The following NDUFA5 variants were observed in gnomAD, a reference collection of about 807,000 sequenced individuals.
NDUFA5 encodes the protein NADH dehydrogenase [ubiquinone] 1 alpha subcomplex subunit 5.
In NDUFA5, 11 loss-of-function variants were observed where a neutral mutation model predicts 19.8. The observed-to-expected ratio is 0.56, with a 90% CI of 0.35 to 0.92. The LOEUF is 0.92. NDUFA5 is among the 40% of genes least tolerant of loss of function. The pLI is 0.01. For missense variants in NDUFA5, 109 were observed against 134.2 expected, an observed-to-expected ratio of 0.81 and a Z score of 0.93; for synonymous variants, 47 against 46.8, an observed-to-expected ratio of 1.00 and a Z score of -0.01.
chr7:123,537,839 AT>A lies in NDUFA5; in HGVS notation c.*4279del, dbSNP rs1341711554. 5 of 151,902 alleles carry A rather than the reference AT, an allele frequency of 3.3e-5. No homozygotes were observed. Among genetic ancestry groups the A allele is most frequent in the East Asian group, 1.9e-4 (1 of 5,194 alleles). 9.4% of individuals were successfully genotyped at this position (151,902 alleles called of 1,614,324 possible). ...GCCAATATTTTGTAAAAAAAAAAAA[AT>A]AGTTATCTTTAGAAAACCTAATAGA... On this transcript the variant is annotated 3_prime_UTR_variant, in exon 5 of 5. Transcript: ENST00000355749.
chr7:123,590,756 T>C, the NDUFA5 span, among the ~76,000 whole-genome samples: 1 of 152,154 alleles, frequency 6.6e-6, no homozygotes, highest in Admixed American at 6.5e-5. Context: ...TTGTTCTATT[T>C]GCTTAGGATT....
intron 3 of NDUFA5, among the ~76,000 whole-genome samples, chr7:123,546,077 T>C (rs758725103): frequency 2.0e-5 from 3 of 152,148 alleles, no homozygotes; most frequent in Non-Finnish European, 4.4e-5. Flanking sequence ...CATAATATAT[T>C]TTTTAAAAAA....
At chr7:123,582,874 A>G in the NDUFA5 span, among the ~76,000 whole-genome samples, 2 of 152,052 alleles carry the variant, frequency 1.3e-5, no homozygotes, top group Non-Finnish European at 2.9e-5. Flanking sequence ...TGAATGCAGT[A>G]TTATTCAAAG....
chr7:123,543,763 G>A (rs1483231498), intron 4 of NDUFA5, among the ~76,000 whole-genome samples: 1 of 152,014 alleles, frequency 6.6e-6, no homozygotes, highest in Non-Finnish European at 1.5e-5. Flanking sequence ...AGGTGGTACA[G>A]AAAAGAGAAA....
the NDUFA5 span, among the ~76,000 whole-genome samples, chr7:123,576,127 AATTTT>A: frequency 5.7e-4 from 86 of 150,812 alleles, no homozygotes; most frequent in South Asian, 2.1e-3. Context: ...TCTTTATTTC[AATTTT>A]ATTTTATTTT....
chr7:123,583,779 A>G, the NDUFA5 span, among the ~76,000 whole-genome samples: 2 of 151,958 alleles, frequency 1.3e-5, no homozygotes, highest in African/African-American at 4.8e-5. Context: ...TATACTGAGA[A>G]GCAAAGTAGA....
chr7:123,590,556 A>G, the NDUFA5 span, among the ~76,000 whole-genome samples: 1 of 152,296 alleles, frequency 6.6e-6, no homozygotes, highest in East Asian at 1.9e-4. Flanking sequence ...CAGTTTTCCC[A>G]GCACCATTTA....
the NDUFA5 span, among the ~76,000 whole-genome samples, chr7:123,577,257 T>A: frequency 6.6e-6 from 1 of 152,182 alleles, no homozygotes; most frequent in Non-Finnish European, 1.5e-5. Flanking sequence ...TTTTGCATTT[T>A]ATTACAAAAA....
rs1047456788 is a variant in NDUFA5, at chr7:123,557,152, G to A, written c.66+252C>T. 3 of 676,632 alleles carry A rather than the reference G, an allele frequency of 4.4e-6. No individual in the cohort carries two copies. The African/African-American group carries it at 5.3e-5, about 12-fold the overall frequency. The allele number at this position is 676,632 out of a possible 1,614,324, so 41.9% of individuals were successfully genotyped here. ...ATGGCGCTGACAGAAGCAAGCACAAGTGAAGCCATGAAAATGTCAAGGAAA... is the reference window on the plus strand; with the variant it reads ...ATGGCGCTGACAGAAGCAAGCACAAATGAAGCCATGAAAATGTCAAGGAAA... On this transcript the variant is annotated intron_variant, in intron 2 of 4. Coordinates refer to ENST00000355749, the MANE Select transcript of NDUFA5 (RefSeq NM_005000.5).
the NDUFA5 span, among the ~76,000 whole-genome samples, chr7:123,598,168 A>G: frequency 6.6e-6 from 1 of 152,100 alleles, no homozygotes; most frequent in South Asian, 2.1e-4. Flanking sequence ...GGTTTCCCTC[A>G]TGTCCATTTT....
chr7:123,566,303 C>T, the NDUFA5 span, among the ~76,000 whole-genome samples: 1 of 152,192 alleles, frequency 6.6e-6, no homozygotes, highest in Non-Finnish European at 1.5e-5. Context: ...TCTCAGCCCT[C>T]AGAAGGAACT....
the NDUFA5 span, among the ~76,000 whole-genome samples, chr7:123,585,574 T>C: frequency 6.6e-6 from 1 of 151,722 alleles, no homozygotes; most frequent in Non-Finnish European, 1.5e-5. Flanking sequence ...TATTTACACA[T>C]TGTGAAATGA....
rs989801650 is a variant in NDUFA5 at position 123,537,907 on chromosome 7, TA to T, written c.*4211del. 6.6e-6 allele frequency: 1 copy of T among 152,022 alleles called. No homozygotes were observed. Among genetic ancestry groups the T allele is most frequent in the Admixed American group, 6.5e-5 (1 of 15,276 alleles). 9.4% of individuals were successfully genotyped at this position (152,022 alleles called of 1,614,324 possible). On this transcript the variant is annotated 3_prime_UTR_variant, in exon 5 of 5. Transcript: ENST00000355749. ...TTGAAGATCATGAGAAATACCAAAA[TA>T]GAAATCTTTGCAATGCTTTTCATTT...
the NDUFA5 span, among the ~76,000 whole-genome samples, chr7:123,574,806 T>G: frequency 6.6e-6 from 1 of 152,150 alleles, no homozygotes; most frequent in African/African-American, 2.4e-5. Context: ...ACAGGCAGCT[T>G]ACACATCTTT....
intron 3 of NDUFA5, 181 bp downstream of exon 3, chr7:123,550,289 G>C (rs1798284362): frequency 1.9e-6 from 1 of 532,474 alleles, no homozygotes; most frequent in Non-Finnish European, 3.3e-6. Flanking sequence ...ATGTAACAGA[G>C]GCCTGCATAT....
the NDUFA5 span, among the ~76,000 whole-genome samples, chr7:123,593,170 CA>C: frequency 1.3e-5 from 2 of 152,068 alleles, no homozygotes; most frequent in African/African-American, 2.4e-5. Context: ...TGTGTCTTTG[CA>C]TGTGAGATGG....
chr7:123,543,015 C>T (rs1267412298), intron 4 of NDUFA5, among the ~76,000 whole-genome samples: 1 of 152,012 alleles, frequency 6.6e-6, no homozygotes, highest in Non-Finnish European at 1.5e-5. Context: ...AGAATAAGCG[C>T]TCAGATTATA....
the NDUFA5 span, chr7:123,598,919 T>G: frequency 2.0e-5 from 3 of 152,182 alleles, no homozygotes; most frequent in African/African-American, 7.2e-5. Context: ...TTGGCTCATG[T>G]TTTCAGTTGT....
At chr7:123,544,430 G>A (rs1022769877) in intron 4 of NDUFA5, among the ~76,000 whole-genome samples, 3 of 150,976 alleles carry the variant, frequency 2.0e-5, no homozygotes, top group East Asian at 3.9e-4. Flanking sequence ...CCCGGGAGGC[G>A]GAGGTTGTGG....
Sources: gnomAD v4.1 joint callset for allele counts (sites outside exome capture counted in the v4.1 genomes callset) on GRCh38, gnomAD v4.1.1 for gene constraint, MANE v1.5 for transcripts, NCBI Gene and HGNC (gene_info 2026-07-23, HGNC 2026-07-21) for gene names.